TACR1: variants seen among roughly 807,000 people sequenced by gnomAD.
TACR1 encodes substance-P receptor.
A neutral mutation model predicts 35.8 loss-of-function variants in TACR1; 25 were observed. That is an observed-to-expected ratio of 0.70 (90% CI 0.51 to 0.98). The LOEUF (loss-of-function observed/expected upper bound fraction) is 0.98, where lower values mean the gene tolerates loss of function less well. TACR1 is among the 50% of genes least tolerant of loss of function. The probability of loss-of-function intolerance (pLI) is 0.00; values close to 1 mark genes in which losing one functional copy is unlikely to be tolerated. For synonymous variants in TACR1, 195 were observed against 206.7 expected, an observed-to-expected ratio of 0.94 and a Z score of 0.48; for missense variants, 478 against 522.9, an observed-to-expected ratio of 0.91 and a Z score of 0.84.
At chr2:75,166,994 TTGG>T (rs1469480381) in intron 1 of TACR1, among the ~76,000 whole-genome samples, 2 of 152,216 alleles carry the variant, frequency 1.3e-5, no homozygotes, top group Non-Finnish European at 2.9e-5. Context: ...ATAGCAAACA[TTGG>T]ATTTTTAAAA....
In TACR1 at chr2:75,053,756, C is replaced by A; in HGVS notation, c.585-1G>T. On this transcript the variant is annotated splice_acceptor_variant, in intron 2 of 4. Transcript: ENST00000305249. LOFTEE classifies it high-confidence loss of function. The stretch of plus-strand genomic sequence containing the variant: ...CAGCACAGTCACACAGATGTGGTAC[C>A]TACAGCAAGGTAAACAGGAAAGGTC... 1 of 1,614,156 alleles carries A rather than the reference C, an allele frequency of 6.2e-7. No homozygotes were observed. The highest frequency in any genetic ancestry group is 1.6e-4 in the Middle Eastern group (1 of 6,062).
chr2:75,170,328 A>C (rs994059263), intron 1 of TACR1, among the ~76,000 whole-genome samples: 2 of 152,242 alleles, frequency 1.3e-5, no homozygotes, highest in East Asian at 1.9e-4. Flanking sequence ...TGACTTTGCT[A>C]CTCATTTGTC....
intron 1 of TACR1, among the ~76,000 whole-genome samples, chr2:75,196,638 G>A (rs139858383): frequency 8.4e-4 from 128 of 152,242 alleles, no homozygotes; most frequent in African/African-American, 3.0e-3. Flanking sequence ...AATCCACTGT[G>A]CGGACTCTGA....
intron 2 of TACR1, among the ~76,000 whole-genome samples, chr2:75,109,041 G>T (rs1242118645): frequency 6.6e-6 from 1 of 152,122 alleles, no homozygotes; most frequent in Non-Finnish European, 1.5e-5. Flanking sequence ...GGAGGATCTG[G>T]GCAGCTGCAG....
At chr2:75,109,468 A>T (rs1225826494) in intron 2 of TACR1, among the ~76,000 whole-genome samples, 1 of 152,198 alleles carries the variant, frequency 6.6e-6, no homozygotes, top group Non-Finnish European at 1.5e-5. Flanking sequence ...TATTAGAATG[A>T]ACAAAAAGGG....
At chr2:75,087,594 A>G (rs559361146) in intron 2 of TACR1, among the ~76,000 whole-genome samples, 99 of 152,280 alleles carry the variant, frequency 6.5e-4, no homozygotes, top group African/African-American at 2.2e-3. Context: ...TTTAAGCAGA[A>G]ATCTGTGATT....
At chr2:75,076,924 T>C (rs917226080) in intron 2 of TACR1, among the ~76,000 whole-genome samples, 3 of 152,218 alleles carry the variant, frequency 2.0e-5, no homozygotes, top group African/African-American at 7.2e-5. Context: ...GCCTACTAGC[T>C]TCCGCTTTAC....
intron 2 of TACR1, among the ~76,000 whole-genome samples, chr2:75,085,662 A>G (rs1673175647): frequency 6.6e-6 from 1 of 152,144 alleles, no homozygotes. Flanking sequence ...AAGGCATGTG[A>G]ATGACTGAGC....
chr2:75,167,965 T>C lies in TACR1; in HGVS notation c.389+30581A>G, dbSNP rs143232656. Among the ~76,000 whole-genome samples the C allele has an allele frequency of 1.0e-3, 159 of 152,148 alleles. 1 individual carries two copies. Among genetic ancestry groups the C allele is most frequent in the African/African-American group, 3.6e-3 (149 of 41,514 alleles). On this transcript the variant is annotated intron_variant, in intron 1 of 4. Coordinates refer to ENST00000305249, the MANE Select transcript of TACR1 (RefSeq NM_001058.4). Reference sequence around the variant, plus strand: ...GGTCCCCAGTTGCCAAGAAGCAAAATTGGGCATTTTCATACACCACTGGAG... The same window carrying C: ...GGTCCCCAGTTGCCAAGAAGCAAAACTGGGCATTTTCATACACCACTGGAG...
chr2:75,188,308 T>C (rs186366225), intron 1 of TACR1: 29 of 152,366 alleles, frequency 1.9e-4, no homozygotes, highest in Admixed American at 1.7e-3. Context: ...TAAAATAAAA[T>C]TAATAAATCA....
chr2:75,177,745 C>T (rs1675460282), intron 1 of TACR1, among the ~76,000 whole-genome samples: 1 of 152,172 alleles, frequency 6.6e-6, no homozygotes, highest in Admixed American at 6.5e-5. Flanking sequence ...TAATTTTCTG[C>T]CTGCTCTATG....
intron 2 of TACR1, among the ~76,000 whole-genome samples, chr2:75,106,720 AAGT>A (rs1314891331): frequency 5.3e-5 from 8 of 152,068 alleles, no homozygotes; most frequent in Middle Eastern, 3.4e-3. Flanking sequence ...ATAGCTATGG[AAGT>A]AGGGAATATT....
chr2:75,157,788 CT>C (rs5832151), intron 1 of TACR1, among the ~76,000 whole-genome samples: 4,392 of 152,332 alleles, frequency 0.029, 203 homozygotes, highest in African/African-American at 0.1. Context: ...GTTCTGCCTA[CT>C]GGCCATTATC....
chr2:75,155,815 A>C (rs1674835817), intron 1 of TACR1, among the ~76,000 whole-genome samples: 1 of 152,268 alleles, frequency 6.6e-6, no homozygotes, highest in African/African-American at 2.4e-5. Context: ...TTAGAAGGTT[A>C]TTGGAGACCA....
chr2:75,109,710 C>G (rs1489446288), intron 2 of TACR1, among the ~76,000 whole-genome samples: 2 of 152,124 alleles, frequency 1.3e-5, no homozygotes, highest in African/African-American at 4.8e-5. Context: ...GAAAATACTG[C>G]TTTCAAATAA....
intron 1 of TACR1, among the ~76,000 whole-genome samples, chr2:75,138,928 C>T (rs1166659076): frequency 6.6e-6 from 1 of 152,088 alleles, no homozygotes; most frequent in Non-Finnish European, 1.5e-5. Flanking sequence ...CCTACAAATA[C>T]CTGTGCAATT....
chr2:75,071,127 TG>T (rs1672869950), intron 2 of TACR1, among the ~76,000 whole-genome samples: 2 of 152,172 alleles, frequency 1.3e-5, no homozygotes, highest in Non-Finnish European at 2.9e-5. Flanking sequence ...GGAGTAGCTG[TG>T]GAAGAGACTG....
intron 3 of TACR1, among the ~76,000 whole-genome samples, chr2:75,052,311 C>G (rs1249835577): frequency 6.6e-6 from 1 of 152,206 alleles, no homozygotes; most frequent in African/African-American, 2.4e-5. Context: ...GAAGCAGGCC[C>G]TCCTGAAACA....
At chr2:75,177,613 A>G (rs1378478958) in intron 1 of TACR1, among the ~76,000 whole-genome samples, 1 of 151,910 alleles carries the variant, frequency 6.6e-6, no homozygotes, top group African/African-American at 2.4e-5. Flanking sequence ...TTTATCTTCT[A>G]TCTCCTACCC....
Sources: gnomAD v4.1 joint callset for allele counts (sites outside exome capture counted in the v4.1 genomes callset) on GRCh38, gnomAD v4.1.1 for gene constraint, MANE v1.5 for transcripts, NCBI Gene and HGNC (gene_info 2026-07-23, HGNC 2026-07-21) for gene names.